Variants in MBP observed in about 807,000 individuals in gnomAD.
The protein encoded by MBP is Golli-MBP.
Under a neutral mutation model 35.8 loss-of-function variants are expected in MBP, and 16 were observed. That is an observed-to-expected ratio of 0.45 (90% CI 0.30 to 0.68). The LOEUF (loss-of-function observed/expected upper bound fraction) is 0.68, where lower values mean the gene tolerates loss of function less well. Among genes scored for constraint, MBP ranks in the 30% least tolerant of loss-of-function variants. The probability of loss-of-function intolerance (pLI) is 0.08; values close to 1 mark genes in which losing one functional copy is unlikely to be tolerated. For synonymous variants in MBP, 143 were observed against 159.6 expected (o/e 0.90, Z 0.78); for missense variants, 380 against 404.7 (o/e 0.94, Z 0.52).
intron 2 of MBP, chr18:77,066,665 A>T: frequency 3.1e-6 from 2 of 639,540 alleles, no homozygotes; most frequent in Non-Finnish European, 5.9e-6. Flanking sequence ...AAAATAAATT[A>T]GCTACATGCC....
chr18:76,980,848 C>G, intron 8 of MBP: 1 of 209,386 alleles, frequency 4.8e-6, no homozygotes, highest in Non-Finnish European at 9.8e-6. Context: ...CCGAGGGGAA[C>G]TGCCAGCGAC....
chr18:77,016,434 A>C, intron 4 of MBP: 2 of 1,041,186 alleles, frequency 1.9e-6, no homozygotes, highest in Non-Finnish European at 1.2e-6. Flanking sequence ...AACGAGCATA[A>C]CCCAGTGTTG....
intron 3 of MBP, among the ~76,000 whole-genome samples, chr18:77,060,253 G>A (rs1973913692): frequency 6.6e-6 from 1 of 152,126 alleles, no homozygotes; most frequent in Admixed American, 6.5e-5. Flanking sequence ...TAAATGAATG[G>A]AGAAAGCACA....
chr18:77,111,551 G>A (rs965852375), intron 1 of MBP, among the ~76,000 whole-genome samples: 5 of 152,256 alleles, frequency 3.3e-5, no homozygotes, highest in African/African-American at 1.2e-4. Context: ...GGAGGGCCCT[G>A]GTGTCGTGTG....
intron 3 of MBP, among the ~76,000 whole-genome samples, chr18:77,055,124 G>A (rs1478204802): frequency 6.6e-6 from 1 of 152,236 alleles, no homozygotes; most frequent in Non-Finnish European, 1.5e-5. Context: ...AGGAACGGCA[G>A]CGCCGCCTGC....
At chr18:77,039,661 C>A (rs1159920271) in intron 3 of MBP, among the ~76,000 whole-genome samples, 1 of 152,170 alleles carries the variant, frequency 6.6e-6, no homozygotes, top group Non-Finnish European at 1.5e-5. Context: ...GGAGTGTGAA[C>A]AGCATGAGCA....
At position 77,044,290 on chromosome 18, in the gene MBP, C is replaced by A. The variant is rs985076796; in HGVS notation, c.139+22008G>T. ...CACTGGTGGCTCAAAGACTGCATGC[C>A]TGAGACGGGGTCCAAACCCCTCTTC... On this transcript the variant is annotated intron_variant, in intron 3 of 8. Coordinates refer to ENST00000355994, the MANE Select transcript of MBP (RefSeq NM_001025101.2). This position sits in a 1 kb window ranked among gnomAD's most constrained non-coding sequence, Gnocchi z 4.4. Among the ~76,000 whole-genome samples the A allele has an allele frequency of 1.1e-4, 16 of 152,274 alleles. No homozygotes were observed. The highest frequency in any genetic ancestry group is 2.9e-4 in the African/African-American group (12 of 41,554).
intron 3 of MBP, among the ~76,000 whole-genome samples, chr18:77,029,156 C>G (rs1234414355): frequency 8.4e-6 from 1 of 119,078 alleles, no homozygotes; most frequent in African/African-American, 2.6e-5. Context: ...CGTCTGCAAT[C>G]CCGGCACCTC....
At chr18:77,106,079 C>G (rs116653444) in intron 1 of MBP, among the ~76,000 whole-genome samples, 76 of 152,298 alleles carry the variant, frequency 5.0e-4, no homozygotes, top group African/African-American at 1.8e-3. Context: ...TGACCAGAGT[C>G]TTTAAGGACA....
intron 4 of MBP, chr18:77,014,683 C>T (rs1971530487): frequency 1.0e-6 from 1 of 985,330 alleles, no homozygotes; most frequent in South Asian, 4.7e-5. Context: ...GTTAAGCTTT[C>T]ATCTCCCATG....
chr18:76,996,939 G>C (rs961451085), intron 4 of MBP, among the ~76,000 whole-genome samples: 1 of 152,142 alleles, frequency 6.6e-6, no homozygotes, highest in African/African-American at 2.4e-5. Flanking sequence ...TGGGTGCATC[G>C]TATCACTGTG....
intron 3 of MBP, among the ~76,000 whole-genome samples, chr18:77,059,695 T>C (rs1216005352): frequency 1.3e-5 from 2 of 152,224 alleles, no homozygotes; most frequent in African/African-American, 4.8e-5. Context: ...CCATTTGGTA[T>C]GTCCACTTCA....
chr18:77,052,168 C>A (rs986649164), intron 3 of MBP, among the ~76,000 whole-genome samples: 1 of 152,148 alleles, frequency 6.6e-6, no homozygotes, highest in Non-Finnish European at 1.5e-5. Flanking sequence ...AGGAGCGGGG[C>A]GATCCAACAG....
chr18:77,063,598 CAAGG>C (rs1352640958), intron 3 of MBP, among the ~76,000 whole-genome samples: 1 of 152,198 alleles, frequency 6.6e-6, no homozygotes, highest in Non-Finnish European at 1.5e-5. Flanking sequence ...CTCCGGTGTC[CAAGG>C]ACCTGGGAAC....
At chr18:77,045,443 A>G (rs1145359) in intron 3 of MBP, among the ~76,000 whole-genome samples, 2,259 of 30,456 alleles carry the variant, frequency 0.074, no homozygotes, top group South Asian at 0.21. Context: ...ATTTGCATGC[A>G]TCTCTGAACT....
At chr18:77,008,831 C>T (rs940468507) in intron 4 of MBP, among the ~76,000 whole-genome samples, 3 of 152,214 alleles carry the variant, frequency 2.0e-5, no homozygotes, top group South Asian at 2.1e-4. Context: ...ACCTGGCGGA[C>T]GCTTCCCCTT....
chr18:77,121,544 T>C (rs1976885125), intron 1 of MBP, among the ~76,000 whole-genome samples: 1 of 152,164 alleles, frequency 6.6e-6, no homozygotes, highest in South Asian at 2.1e-4. Flanking sequence ...TAGTCTGAAA[T>C]GAATAAGGTG....
At position 77,131,310 on chromosome 18, in the gene MBP, T is replaced by C. The variant is rs1319093330; in HGVS notation, c.-26+1270A>G. On this transcript the variant is annotated intron_variant, in intron 1 of 8. Coordinates refer to ENST00000355994, the MANE Select transcript of MBP (RefSeq NM_001025101.2). The surrounding 1 kb of genome is among the most constrained non-coding windows in gnomAD (Gnocchi z 5.5). ...TCCCCTGACTTGAGGGTGACCGTCC[T>C]TAAACTGTCCCCCGGAGCTTCGCCA... 3.9e-5 allele frequency among the ~76,000 whole-genome samples: 6 copies of C among 152,162 alleles called. No individual in the cohort carries two copies. The highest frequency in any genetic ancestry group is 2.6e-4 in the Admixed American group (4 of 15,284).
In MBP at chr18:77,057,834, T is replaced by C. The variant is rs1252341661; in HGVS notation, c.139+8464A>G. Among the ~76,000 whole-genome samples the C allele has an allele frequency of 7.2e-4, 3 of 4,186 alleles. 1 individual carries two copies. Among genetic ancestry groups the C allele is most frequent in the Admixed American group, 7.0e-3 (3 of 428 alleles). 2.7% of individuals were successfully genotyped at this position (4,186 alleles called of 152,430 possible). ...AGGAAGGCGGGGAGTGTTTTTTTTTTTTTTTTTTTTGAGACGGAGTCTCGC... is the reference window on the plus strand; with the variant it reads ...AGGAAGGCGGGGAGTGTTTTTTTTTCTTTTTTTTTTGAGACGGAGTCTCGC... On this transcript the variant is annotated intron_variant, in intron 3 of 8. Coordinates refer to ENST00000355994, the MANE Select transcript of MBP (RefSeq NM_001025101.2).
Sources: allele counts gnomAD v4.1 joint callset (sites outside exome capture counted in the v4.1 genomes callset), GRCh38; gene constraint gnomAD v4.1.1; non-coding constraint Gnocchi (gnomAD v3.1); transcripts MANE v1.5; gene names NCBI Gene and HGNC (gene_info 2026-07-23, HGNC 2026-07-21).